SPOCK3: variants seen among roughly 807,000 people sequenced by gnomAD.
SPOCK3 encodes the protein testican-3.
In SPOCK3, 30 loss-of-function variants were observed where a neutral mutation model predicts 56.6. The observed-to-expected ratio is 0.53, with a 90% CI of 0.40 to 0.72. The LOEUF (loss-of-function observed/expected upper bound fraction) is 0.72, where lower values mean the gene tolerates loss of function less well. Ranked by LOEUF, SPOCK3 falls within the 30% of genes least tolerant of loss-of-function variation. The probability of loss-of-function intolerance (pLI) is 0.00; values close to 1 mark genes in which losing one functional copy is unlikely to be tolerated. For missense variants in SPOCK3, 527 were observed against 530.0 expected, an observed-to-expected ratio of 0.99 and a Z score of 0.06; for synonymous variants, 196 against 183.3, an observed-to-expected ratio of 1.07 and a Z score of -0.56.
At chr4:167,224,072 C>G (rs1736347284) in intron 2 of SPOCK3, among the ~76,000 whole-genome samples, 1 of 151,962 alleles carries the variant, frequency 6.6e-6, no homozygotes, top group African/African-American at 2.4e-5. Flanking sequence ...GGTTAGAAAA[C>G]AGCCATTAAT....
chr4:166,954,515 T>C (rs1743143178), intron 4 of SPOCK3, among the ~76,000 whole-genome samples: 1 of 152,184 alleles, frequency 6.6e-6, no homozygotes, highest in Non-Finnish European at 1.5e-5. Context: ...TTTATTATTC[T>C]GCATGTGGAT....
At chr4:166,742,656 C>T (rs1216443716) in intron 8 of SPOCK3, among the ~76,000 whole-genome samples, 1 of 151,938 alleles carries the variant, frequency 6.6e-6, no homozygotes, top group Non-Finnish European at 1.5e-5. Context: ...TTTTTAGTTT[C>T]AGCCATATAT....
chr4:166,835,874 T>C (rs1746558189), intron 6 of SPOCK3, among the ~76,000 whole-genome samples: 1 of 151,986 alleles, frequency 6.6e-6, no homozygotes, highest in African/African-American at 2.4e-5. Flanking sequence ...GATGTGGTGG[T>C]GCATGCCTGT....
At chr4:167,166,480 A>G (rs1164498847) in intron 2 of SPOCK3, among the ~76,000 whole-genome samples, 1 of 152,100 alleles carries the variant, frequency 6.6e-6, no homozygotes, top group Non-Finnish European at 1.5e-5. Flanking sequence ...CTATCTCTCA[A>G]GAGCAGGAAA....
chr4:167,205,185 ATATTT>A (rs1201223469), intron 2 of SPOCK3, among the ~76,000 whole-genome samples: 3 of 104,054 alleles, frequency 2.9e-5, no homozygotes, highest in Non-Finnish European at 3.6e-5. Flanking sequence ...TATATTATAG[ATATTT>A]TATATCTATA....
chr4:167,015,244 T>G (rs1370987869), intron 3 of SPOCK3, among the ~76,000 whole-genome samples: 1 of 152,106 alleles, frequency 6.6e-6, no homozygotes, highest in Admixed American at 6.6e-5. Flanking sequence ...ATTCAAATAC[T>G]GTTGGCAATG....
At position 167,013,034 on chromosome 4, in the gene SPOCK3, T is replaced by A. The variant is rs1414712160; in HGVS notation, c.236-12571A>T. Among the ~76,000 whole-genome samples, 5 of 152,084 alleles carry A rather than the reference T, an allele frequency of 3.3e-5. No individual in the cohort carries two copies. The East Asian group carries it at 9.7e-4, about 29-fold the overall frequency. On this transcript the variant is annotated intron_variant, in intron 3 of 10. Transcript: ENST00000357545. Reference sequence around the variant, plus strand: ...TGAGTCTTTGGATTGACTTTATTAGTTTCAAACCTTAATATTACTTCAGTT... The same window carrying A: ...TGAGTCTTTGGATTGACTTTATTAGATTCAAACCTTAATATTACTTCAGTT...
At chr4:167,159,652 G>T (rs1351281262) in intron 2 of SPOCK3, among the ~76,000 whole-genome samples, 1 of 152,010 alleles carries the variant, frequency 6.6e-6, no homozygotes, top group Non-Finnish European at 1.5e-5. Flanking sequence ...TAAAATAATG[G>T]CAAACTGAAT....
At chr4:166,809,942 C>A (rs1743593883) in intron 6 of SPOCK3, among the ~76,000 whole-genome samples, 1 of 152,104 alleles carries the variant, frequency 6.6e-6, no homozygotes, top group East Asian at 1.9e-4. Flanking sequence ...TGAAATTAAT[C>A]AAATATGTCT....
intron 2 of SPOCK3, among the ~76,000 whole-genome samples, chr4:167,217,861 G>C (rs753028245): frequency 6.6e-6 from 1 of 151,072 alleles, no homozygotes; most frequent in Admixed American, 6.6e-5. Flanking sequence ...AATTACTATG[G>C]ATTTTTTATT....
In SPOCK3 at chr4:166,873,222, AC is replaced by A. The variant is rs796668933; in HGVS notation, c.589+15907del. Among the ~76,000 whole-genome samples the A allele has an allele frequency of 4.0e-3, 605 of 152,006 alleles. 4 individuals carry two copies. The highest frequency in any genetic ancestry group is 0.013 in the African/African-American group (519 of 41,414). On this transcript the variant is annotated intron_variant, in intron 6 of 10. Coordinates refer to ENST00000357545, the MANE Select transcript of SPOCK3 (RefSeq NM_001040159.2). ...ATGAAGAAGTTAAAAAAAAAAAAAA[AC>A]ATCAGTGGTTTCCAGGGCTTGGAGA...
Position 167,149,786 on chromosome 4 carries a change from C to A in SPOCK3, c.189+84199G>T, listed in dbSNP as rs919731705. ...GTATGAGTTCCTTAATTGTAGAGAA[C>A]GTTCCACATTTGAGAGATATATATG... On this transcript the variant is annotated intron_variant, in intron 2 of 10. Transcript: ENST00000357545. 4.0e-5 allele frequency among the ~76,000 whole-genome samples: 6 copies of A among 151,218 alleles called. No individual in the cohort carries two copies. In the South Asian group the frequency reaches 1.0e-3, roughly 26 times the overall value.
chr4:166,889,670 G>A (rs1415512016), intron 5 of SPOCK3, among the ~76,000 whole-genome samples: 1 of 151,888 alleles, frequency 6.6e-6, no homozygotes, highest in African/African-American at 2.4e-5. Context: ...TGGACTCTAA[G>A]TTTTGGCTAC....
At chr4:166,955,592 T>C (rs1181527595) in intron 4 of SPOCK3, among the ~76,000 whole-genome samples, 4 of 145,398 alleles carry the variant, frequency 2.8e-5, no homozygotes, top group African/African-American at 1.0e-4. Context: ...TTATATTAAA[T>C]TTAATATAAT....
rs571914065 is a variant in SPOCK3 at position 166,766,239 on chromosome 4, TGA to T, written c.710-11512_710-11511del. ...CCAACACTATGTTGAATAGGAGTGG[TGA>T]GAGAGAGCATCCCTGTCTTGTGCCA... On this transcript the variant is annotated intron_variant, in intron 7 of 10. Transcript: ENST00000357545. 1.2e-4 allele frequency among the ~76,000 whole-genome samples: 18 copies of T among 152,266 alleles called. No individual in the cohort carries two copies. In the East Asian group the frequency reaches 3.3e-3, roughly 28 times the overall value.
intron 6 of SPOCK3, among the ~76,000 whole-genome samples, chr4:166,878,670 A>C (rs1360944666): frequency 1.3e-5 from 2 of 152,178 alleles, no homozygotes; most frequent in African/African-American, 4.8e-5. Context: ...CACACATATC[A>C]CCAAAATTAT....
At chr4:167,119,876 T>G (rs1761724675) in intron 2 of SPOCK3, 1 of 1,519,402 alleles carries the variant, frequency 6.6e-7, no homozygotes, top group African/African-American at 1.4e-5. Flanking sequence ...TTCTTCTTAC[T>G]AATGCCCCAA....
chr4:166,951,950 T>A (rs1351232233), intron 4 of SPOCK3, among the ~76,000 whole-genome samples: 1 of 152,092 alleles, frequency 6.6e-6, no homozygotes, highest in Non-Finnish European at 1.5e-5. Flanking sequence ...ATAAGAGCTA[T>A]CTATGACAAA....
At position 167,179,772 on chromosome 4, in the gene SPOCK3, T is replaced by C. The variant is rs532220161; in HGVS notation, c.189+54213A>G. On this transcript the variant is annotated intron_variant, in intron 2 of 10. Transcript: ENST00000357545. ...ATGTAAGAGGCAGGGGTCTCAGCTATGTCAGAACTGAATTTTAGGCATGTC... is the reference window on the plus strand; with the variant it reads ...ATGTAAGAGGCAGGGGTCTCAGCTACGTCAGAACTGAATTTTAGGCATGTC... Among the ~76,000 whole-genome samples, 243 of 152,292 alleles carry C rather than the reference T, an allele frequency of 1.6e-3. 4 individuals carry two copies. The highest frequency in any genetic ancestry group is 0.015 in the South Asian group (71 of 4,832).
Sources: allele counts gnomAD v4.1 joint callset (sites outside exome capture counted in the v4.1 genomes callset), GRCh38; gene constraint gnomAD v4.1.1; transcripts MANE v1.5; gene names NCBI Gene and HGNC (gene_info 2026-07-23, HGNC 2026-07-21).